Variants in PTPRD observed in about 807,000 individuals in gnomAD.
PTPRD encodes receptor-type tyrosine-protein phosphatase delta.
A neutral mutation model predicts 214.5 loss-of-function variants in PTPRD; 34 were observed. The ratio of observed to expected loss-of-function variants is 0.16; its 90% CI spans 0.12 to 0.21. PTPRD has a LOEUF of 0.21. PTPRD is among the 10% of genes least tolerant of loss of function. The pLI is 1.00. For missense variants in PTPRD, 2,545 were observed against 2,398.7 expected (o/e 1.06, Z -1.27); for synonymous variants, 1,128 against 845.7 (o/e 1.33, Z -5.79).
At chr9:10,499,863 A>G (rs2133162611) in intron 2 of PTPRD, among the ~76,000 whole-genome samples, 1 of 152,020 alleles carries the variant, frequency 6.6e-6, no homozygotes, top group African/African-American at 2.4e-5. Flanking sequence ...TTATCCTACC[A>G]GGTTATAGAT....
Position 8,391,705 on chromosome 9 carries a change from A to G in PTPRD, c.4211-2298T>C, listed in dbSNP as rs116993484. 6.8e-3 allele frequency among the ~76,000 whole-genome samples: 1,037 copies of G among 152,288 alleles called. 5 individuals are homozygous for G. Among genetic ancestry groups the G allele is most frequent in the Non-Finnish European group, 0.01 (705 of 68,026 alleles). On this transcript the variant is annotated intron_variant, in intron 36 of 45. Coordinates refer to ENST00000381196, the MANE Select transcript of PTPRD (RefSeq NM_002839.4). ...CCAATATACAGAAAACTTTTTTCTAAGAAAACTCAGAATGGAGAAATCTGG... is the reference window on the plus strand; with the variant it reads ...CCAATATACAGAAAACTTTTTTCTAGGAAAACTCAGAATGGAGAAATCTGG...
chr9:8,951,263 AT>A (rs1055164162), intron 11 of PTPRD, among the ~76,000 whole-genome samples: 3 of 138,430 alleles, frequency 2.2e-5, no homozygotes, highest in Non-Finnish European at 3.1e-5. Context: ...ACACTTCTCT[AT>A]TTTTTTTCTT....
intron 11 of PTPRD, among the ~76,000 whole-genome samples, chr9:8,886,048 T>C (rs947199372): frequency 6.6e-6 from 1 of 152,212 alleles, no homozygotes; most frequent in Non-Finnish European, 1.5e-5. Flanking sequence ...AATTTGGTTA[T>C]AATCCCAAAG....
chr9:10,510,860 G>A (rs2784593), intron 2 of PTPRD, among the ~76,000 whole-genome samples: 151,510 of 152,262 alleles, frequency 1, 75,380 homozygotes, highest in Middle Eastern at 1. Context: ...TCCCTCCCCA[G>A]TATCCTTCCC....
chr9:9,992,881 A>G (rs1471908539), intron 4 of PTPRD, among the ~76,000 whole-genome samples: 4 of 152,118 alleles, frequency 2.6e-5, no homozygotes, highest in South Asian at 2.1e-4. Context: ...GCACACCAAC[A>G]TGGCACATGT....
rs149185021 is a variant in PTPRD at position 10,474,617 on chromosome 9, G to A, written c.-599-133600C>T. Among the ~76,000 whole-genome samples, 404 of 151,980 alleles carry A rather than the reference G, an allele frequency of 2.7e-3. 1 individual carries two copies. Among genetic ancestry groups the A allele is most frequent in the Non-Finnish European group, 3.9e-3 (268 of 67,922 alleles). ...ACAAGGATGTTCAAGACTTGAACTC[G>A]GCTTTGGACCAAGCAGATCTAATAG... On this transcript the variant is annotated intron_variant, in intron 2 of 45. Transcript: ENST00000381196.
chr9:9,925,180 G>C (rs1284878232), intron 5 of PTPRD, among the ~76,000 whole-genome samples: 1 of 151,964 alleles, frequency 6.6e-6, no homozygotes, highest in Non-Finnish European at 1.5e-5. Context: ...CAAATTTTTA[G>C]TGGCAATGAT....
intron 11 of PTPRD, among the ~76,000 whole-genome samples, chr9:8,810,043 C>T (rs1349164727): frequency 6.6e-6 from 1 of 152,140 alleles, no homozygotes; most frequent in Non-Finnish European, 1.5e-5. Context: ...CCCAAGTGCT[C>T]CCCTAATGGA....
At chr9:8,614,431 C>A (rs1046405766) in intron 14 of PTPRD, among the ~76,000 whole-genome samples, 2 of 152,068 alleles carry the variant, frequency 1.3e-5, no homozygotes, top group African/African-American at 2.4e-5. Flanking sequence ...GACCTCCCTG[C>A]CTGTATTCAG....
chr9:9,221,294 C>T (rs1386564505), intron 9 of PTPRD, among the ~76,000 whole-genome samples: 1 of 152,072 alleles, frequency 6.6e-6, no homozygotes, highest in African/African-American at 2.4e-5. Flanking sequence ...TTCGGAGCAA[C>T]AGGAGAAAAC....
intron 21 of PTPRD, among the ~76,000 whole-genome samples, chr9:8,510,410 G>T (rs936380006): frequency 5.9e-5 from 9 of 152,198 alleles, no homozygotes; most frequent in Non-Finnish European, 1.2e-4. Flanking sequence ...GGGCCCGGTG[G>T]AGAGTGCCCA....
chr9:8,965,945 G>T (rs1318921756), intron 11 of PTPRD, among the ~76,000 whole-genome samples: 1 of 152,064 alleles, frequency 6.6e-6, no homozygotes, highest in African/African-American at 2.4e-5. Flanking sequence ...CAAGGTTTCA[G>T]AATACAAAAT....
At chr9:8,632,621 C>A (rs1053015538) in intron 14 of PTPRD, among the ~76,000 whole-genome samples, 1 of 151,852 alleles carries the variant, frequency 6.6e-6, no homozygotes, top group African/African-American at 2.4e-5. Context: ...ACAACACAGT[C>A]TTCATCATAG....
intron 10 of PTPRD, among the ~76,000 whole-genome samples, chr9:9,129,467 G>T (rs751703723): frequency 1.3e-5 from 2 of 152,020 alleles, no homozygotes; most frequent in African/African-American, 4.8e-5. Flanking sequence ...TCTTATTTAC[G>T]TATTTATTTA....
chr9:8,500,704 A>G (rs908684082), intron 24 of PTPRD, 50 bp downstream of exon 24: 1 of 1,576,262 alleles, frequency 6.3e-7, no homozygotes, highest in East Asian at 2.2e-5. Flanking sequence ...AAGACAGCAG[A>G]TCAAGACTGT....
intron 3 of PTPRD, among the ~76,000 whole-genome samples, chr9:10,263,536 G>A (rs2093838620): frequency 1.3e-5 from 2 of 152,144 alleles, no homozygotes; most frequent in African/African-American, 4.8e-5. Flanking sequence ...GTGACATTTT[G>A]TCCCTGCCCT....
intron 12 of PTPRD, among the ~76,000 whole-genome samples, chr9:8,645,379 T>G (rs2096664941): frequency 6.6e-6 from 1 of 152,236 alleles, no homozygotes; most frequent in Non-Finnish European, 1.5e-5. Context: ...TACTTATACA[T>G]TCCATTTGCT....
At chr9:9,327,328 C>G (rs1367549299) in intron 9 of PTPRD, among the ~76,000 whole-genome samples, 1 of 152,148 alleles carries the variant, frequency 6.6e-6, no homozygotes, top group Non-Finnish European at 1.5e-5. Context: ...GATAAGCAAT[C>G]AAAGTATTAA....
chr9:9,170,878 A>G (rs1180688540), intron 10 of PTPRD, among the ~76,000 whole-genome samples: 1 of 152,186 alleles, frequency 6.6e-6, no homozygotes, highest in Non-Finnish European at 1.5e-5. Flanking sequence ...AAGATGGTCC[A>G]GAATGATAAT....
Sources: allele counts gnomAD v4.1 joint callset (sites outside exome capture counted in the v4.1 genomes callset), GRCh38; gene constraint gnomAD v4.1.1; transcripts MANE v1.5; gene names NCBI Gene and HGNC (gene_info 2026-07-23, HGNC 2026-07-21).